The following NDRG1 variants were observed in gnomAD, a reference collection of about 807,000 sequenced individuals.
NDRG1 encodes protein NDRG1.
Under a neutral mutation model 56.9 loss-of-function variants are expected in NDRG1, and 32 were observed. The observed-to-expected ratio is 0.56, with a 90% CI of 0.42 to 0.76. The LOEUF (loss-of-function observed/expected upper bound fraction) is 0.76. Among genes scored for constraint, NDRG1 ranks in the 30% least tolerant of loss-of-function variants. The pLI is 0.00. For synonymous variants in NDRG1, 211 were observed against 204.1 expected, an observed-to-expected ratio of 1.03 and a Z score of -0.29; for missense variants, 507 against 545.7, an observed-to-expected ratio of 0.93 and a Z score of 0.71.
intron 1 of NDRG1, among the ~76,000 whole-genome samples, chr8:133,287,720 G>A (rs544742642): frequency 1.3e-5 from 2 of 152,310 alleles, no homozygotes; most frequent in East Asian, 1.9e-4. Context: ...CCCTGAGCAC[G>A]GGAGGAGGCT....
chr8:133,289,641 C>G (rs1335827564), intron 1 of NDRG1, among the ~76,000 whole-genome samples: 1 of 152,152 alleles, frequency 6.6e-6, no homozygotes, highest in African/African-American at 2.4e-5. Context: ...AAAGCCAAGG[C>G]CAGGATCTGC....
intron 6 of NDRG1, chr8:133,258,899 G>C (rs1029221519): frequency 5.4e-6 from 3 of 559,270 alleles, no homozygotes; most frequent in Non-Finnish European, 9.6e-6. Context: ...GGGAATGGAA[G>C]AACAGGAGGC....
At chr8:133,253,093 G>T (rs1856162998) in intron 9 of NDRG1, among the ~76,000 whole-genome samples, 1 of 152,218 alleles carries the variant, frequency 6.6e-6, no homozygotes, top group Admixed American at 6.5e-5. Flanking sequence ...GCAACCAAGG[G>T]GTTTTCCAGA....
In NDRG1 at chr8:133,238,912, C is replaced by T. The variant is rs2130655184; in HGVS notation, c.1151G>A (p.Ser384Asn). The change falls in exon 16 of 16, where the codon AGC becomes AAC. Residue 384 changes from serine to asparagine, a missense_variant. Ser to Asn is a conservative substitution (Grantham distance 46). Transcript: ENST00000323851. ...ITPNSGAAGN[S>N]AGPKSMEVSC ...GACCTCCATGGACTTGGGCCCGGCG[C>T]TGTTCCCAGCAGCACCCGAGTTGGG... 18 of 1,560,614 alleles carry T rather than the reference C, an allele frequency of 1.2e-5. No homozygotes were observed. Among genetic ancestry groups the T allele is most frequent in the Non-Finnish European group, 1.5e-5 (17 of 1,152,886 alleles).
At chr8:133,296,457 CTG>C (rs1183138092) in intron 1 of NDRG1, 2 of 455,796 alleles carry the variant, frequency 4.4e-6, no homozygotes, top group African/African-American at 2.0e-5. Flanking sequence ...GCGTGTTGCA[CTG>C]TGACACACCC....
chr8:133,268,939 A>T (rs906483901), intron 3 of NDRG1, among the ~76,000 whole-genome samples: 1 of 152,210 alleles, frequency 6.6e-6, no homozygotes, highest in African/African-American at 2.4e-5. Flanking sequence ...GTTCTAAGCC[A>T]GTCAAGAAGA....
intron 3 of NDRG1, among the ~76,000 whole-genome samples, chr8:133,271,107 T>C (rs1857163670): frequency 6.6e-6 from 1 of 152,192 alleles, no homozygotes; most frequent in Non-Finnish European, 1.5e-5. Context: ...GCTGTGACTG[T>C]CTCCCCGCTG....
intron 9 of NDRG1, among the ~76,000 whole-genome samples, chr8:133,250,997 A>G (rs904194762): frequency 6.6e-6 from 1 of 151,958 alleles, no homozygotes; most frequent in African/African-American, 2.4e-5. Context: ...TCTCACCTCT[A>G]CTAACAGTAA....
rs1858003246 is a variant in NDRG1, at chr8:133,284,681, C to T, written c.-18-352G>A. 6.6e-6 allele frequency: 3 copies of T among 455,784 alleles called. No individual in the cohort carries two copies. The Admixed American group carries it at 7.3e-5, about 11-fold the overall frequency. The allele number at this position is 455,784 out of a possible 1,614,324, so 28.2% of individuals were successfully genotyped here. On this transcript the variant is annotated intron_variant, in intron 1 of 15. Coordinates refer to ENST00000323851, the MANE Select transcript of NDRG1 (RefSeq NM_006096.4). ...CAGCTCACTGCATTCTAGAAGGGGA[C>T]CTGCATTGCTGATCCCAAAGTCAGG...
At chr8:133,295,702 G>A (rs900892899) in intron 1 of NDRG1, among the ~76,000 whole-genome samples, 1 of 152,224 alleles carries the variant, frequency 6.6e-6, no homozygotes, top group African/African-American at 2.4e-5. Flanking sequence ...GCAAGAACAG[G>A]GGGTTTGTAT....
intron 3 of NDRG1, among the ~76,000 whole-genome samples, chr8:133,270,611 T>TG (rs1450816260): frequency 2.0e-5 from 3 of 152,176 alleles, no homozygotes; most frequent in African/African-American, 7.2e-5. Context: ...ACTTGGAACA[T>TG]GGATGAGATG....
chr8:133,245,591 G>A (rs933320035), intron 13 of NDRG1, among the ~76,000 whole-genome samples: 1 of 152,140 alleles, frequency 6.6e-6, no homozygotes, highest in East Asian at 1.9e-4. Context: ...AGTGTGGCCA[G>A]CAGCCACCAG....
intron 2 of NDRG1, 61 bp downstream of exon 2, chr8:133,284,188 C>T: frequency 6.6e-7 from 1 of 1,508,178 alleles, no homozygotes; most frequent in Non-Finnish European, 9.2e-7. Context: ...CTCCGGTGTG[C>T]CTGTGTGTGT....
chr8:133,267,063 G>A (rs1268777104), intron 3 of NDRG1, among the ~76,000 whole-genome samples: 1 of 152,154 alleles, frequency 6.6e-6, no homozygotes, highest in Non-Finnish European at 1.5e-5. Flanking sequence ...GAGTGCAGGG[G>A]TTCCCGACAC....
At chr8:133,243,170 A>G (rs1855480601) in intron 14 of NDRG1, among the ~76,000 whole-genome samples, 2 of 152,210 alleles carry the variant, frequency 1.3e-5, no homozygotes, top group Non-Finnish European at 2.9e-5. Context: ...AACTCCTGCC[A>G]GGATTCCACA....
At chr8:133,280,119 C>G in intron 3 of NDRG1, 113 bp downstream of exon 3, 2 of 1,323,882 alleles carry the variant, frequency 1.5e-6, no homozygotes, top group Non-Finnish European at 2.1e-6. Flanking sequence ...CCACTGCCTT[C>G]TCTCCCCTTG....
At chr8:133,256,223 T>C (rs554790913) in intron 8 of NDRG1, 2 of 156,614 alleles carry the variant, frequency 1.3e-5, no homozygotes, top group African/African-American at 2.4e-5. Flanking sequence ...AGAGTTACTA[T>C]GAAGATTAAC....
chr8:133,246,710 G>C, intron 12 of NDRG1, 47 bp from the exon 13 acceptor site: 2 of 1,562,368 alleles, frequency 1.3e-6, no homozygotes, highest in Non-Finnish European at 1.8e-6. Context: ...TGAAGCCAAA[G>C]CCAAAACATC....
intron 3 of NDRG1, among the ~76,000 whole-genome samples, chr8:133,265,650 A>C (rs1856881272): frequency 6.6e-6 from 1 of 151,960 alleles, no homozygotes; most frequent in Admixed American, 6.6e-5. Flanking sequence ...TCTCCGCACC[A>C]AACCTTCCTA....
Sources: allele counts gnomAD v4.1 joint callset (sites outside exome capture counted in the v4.1 genomes callset), GRCh38; gene constraint gnomAD v4.1.1; transcripts MANE v1.5; gene names NCBI Gene and HGNC (gene_info 2026-07-23, HGNC 2026-07-21).